Variants in UBAP1 observed in about 807,000 individuals in gnomAD.
The protein encoded by UBAP1 is ubiquitin associated protein 1.
UBAP1 carries 5 observed loss-of-function variants against 39.0 expected under a neutral mutation model. The ratio of observed to expected loss-of-function variants is 0.13; its 90% CI spans 0.07 to 0.27. The LOEUF (loss-of-function observed/expected upper bound fraction) is 0.27, where lower values mean the gene tolerates loss of function less well. Ranked by LOEUF, UBAP1 falls within the 10% of genes least tolerant of loss-of-function variation. The pLI is 1.00. For synonymous variants in UBAP1, 211 were observed against 225.1 expected, an observed-to-expected ratio of 0.94 and a Z score of 0.56; for missense variants, 490 against 608.1, an observed-to-expected ratio of 0.81 and a Z score of 2.04.
At chr9:34,185,678 T>C (rs975762215) in intron 1 of UBAP1, among the ~76,000 whole-genome samples, 9 of 152,120 alleles carry the variant, frequency 5.9e-5, no homozygotes, top group African/African-American at 2.2e-4. Flanking sequence ...AAACCCCGTC[T>C]CTACTAAAAA....
Position 34,251,460 on chromosome 9 carries a change from A to G in UBAP1, c.1437A>G (p.Glu479=), listed in dbSNP as rs371642951. 9.4e-5 allele frequency: 151 copies of G among 1,614,066 alleles called. 1 individual carries two copies. Among genetic ancestry groups the G allele is most frequent in the Middle Eastern group, 3.3e-4 (2 of 6,084 alleles). ...GCTTTGAGCTGAAAGACATTAAGGA[A>G]GTTTTGCTATTACACAACAATGACC... ...EMGFELKDIK[E]VLLLHNNDQD... The change falls in exon 7 of 7, where the codon GAA becomes GAG. Residue 479 remains glutamate, a synonymous_variant. Coordinates refer to ENST00000297661, the MANE Select transcript of UBAP1 (RefSeq NM_016525.5).
chr9:34,199,096 C>T (rs781393946), intron 1 of UBAP1, among the ~76,000 whole-genome samples: 3 of 152,162 alleles, frequency 2.0e-5, no homozygotes, highest in African/African-American at 2.4e-5. Context: ...TTTTTTGAGA[C>T]GGAGCCTCGC....
intron 2 of UBAP1, among the ~76,000 whole-genome samples, chr9:34,223,196 C>T (rs548349406): frequency 1.6e-4 from 25 of 152,052 alleles, no homozygotes; most frequent in African/African-American, 5.5e-4. Context: ...TTTGGGAGGC[C>T]GAGGCGGGCG....
chr9:34,215,690 T>C (rs975731450), intron 1 of UBAP1, among the ~76,000 whole-genome samples: 18 of 150,868 alleles, frequency 1.2e-4, no homozygotes, highest in Non-Finnish European at 4.4e-5. Flanking sequence ...AAATAAATAA[T>C]AAAAAAAGGG....
At chr9:34,196,850 TTTC>T (rs1831088909) in intron 1 of UBAP1, among the ~76,000 whole-genome samples, 1 of 152,092 alleles carries the variant, frequency 6.6e-6, no homozygotes, top group Admixed American at 6.6e-5. Context: ...TTATTATTTG[TTTC>T]TTTGTTTTCA....
intron 2 of UBAP1, among the ~76,000 whole-genome samples, chr9:34,221,910 C>T (rs1832781456): frequency 6.6e-6 from 1 of 151,918 alleles, no homozygotes; most frequent in Non-Finnish European, 1.5e-5. Context: ...AATTTAAAAC[C>T]AGAAGTAGCC....
At chr9:34,225,552 C>T (rs904135059) in intron 2 of UBAP1, among the ~76,000 whole-genome samples, 16 of 151,478 alleles carry the variant, frequency 1.1e-4, no homozygotes, top group Non-Finnish European at 2.2e-4. Context: ...TTGAGGCAGG[C>T]GGATCATGAG....
intron 1 of UBAP1, among the ~76,000 whole-genome samples, chr9:34,186,508 T>A (rs1274737938): frequency 6.6e-6 from 1 of 152,196 alleles, no homozygotes; most frequent in Non-Finnish European, 1.5e-5. Context: ...TTTTGGCTGC[T>A]TCACTTCCTC....
chr9:34,201,312 G>C (rs527961143), intron 1 of UBAP1: 1 of 152,162 alleles, frequency 6.6e-6, no homozygotes, highest in South Asian at 2.1e-4. Context: ...GGGAGGGTGA[G>C]GTGGCCAGAT....
In UBAP1 at chr9:34,213,928, C is replaced by CA. The variant is rs551770576; in HGVS notation, c.-7-6968dup. Reference sequence around the variant, plus strand: ...AACTCAACCCCTTTTACAACAGCTGCAAAAAAAAAAAATACTTAGGAATAT... The same window carrying CA: ...AACTCAACCCCTTTTACAACAGCTGCAAAAAAAAAAAAATACTTAGGAATAT... On this transcript the variant is annotated intron_variant, in intron 1 of 6. Transcript: ENST00000297661. Among the ~76,000 whole-genome samples the CA allele has an allele frequency of 5.9e-3, 841 of 142,112 alleles. 3 individuals carry two copies. Among genetic ancestry groups the CA allele is most frequent in the African/African-American group, 9.2e-3 (353 of 38,380 alleles). 93.2% of individuals were successfully genotyped at this position (142,112 alleles called of 152,430 possible).
intron 1 of UBAP1, among the ~76,000 whole-genome samples, chr9:34,217,275 T>G (rs1832377585): frequency 2.0e-5 from 3 of 152,090 alleles, no homozygotes; most frequent in Non-Finnish European, 4.4e-5. Context: ...GAATCTCTGT[T>G]GCCCAAGCTG....
chr9:34,248,964 G>A (rs760971395), intron 4 of UBAP1, among the ~76,000 whole-genome samples: 1 of 152,144 alleles, frequency 6.6e-6, no homozygotes, highest in Non-Finnish European at 1.5e-5. Context: ...TCCTGCCTTG[G>A]GCTTGATTTG....
chr9:34,236,375 A>G (rs760034159), intron 3 of UBAP1, among the ~76,000 whole-genome samples: 2 of 152,054 alleles, frequency 1.3e-5, no homozygotes, highest in Non-Finnish European at 2.9e-5. Flanking sequence ...GTGTAAATAC[A>G]CTCTGCCCTC....
chr9:34,202,570 A>C (rs1831435381), intron 1 of UBAP1, among the ~76,000 whole-genome samples: 2 of 150,776 alleles, frequency 1.3e-5, no homozygotes, highest in South Asian at 2.1e-4. Context: ...GCATTATAAC[A>C]GAAGACTCCA....
At chr9:34,203,531 T>C (rs563391135) in intron 1 of UBAP1, among the ~76,000 whole-genome samples, 56 of 152,234 alleles carry the variant, frequency 3.7e-4, no homozygotes, top group African/African-American at 1.3e-3. Context: ...TCGTAGTGCA[T>C]AAAGGCAAGT....
rs368188801 is a variant in UBAP1, at chr9:34,223,698, G to A, written c.34+2750G>A. ...TCTCGATCTCCTGACCTCGTGATCC[G>A]CCTGCCTTGGCCTCCCAAAGTGTTG... is the stretch of plus-strand genomic sequence containing the variant. On this transcript the variant is annotated intron_variant, in intron 2 of 6. Transcript: ENST00000297661. 9.9e-5 allele frequency among the ~76,000 whole-genome samples: 15 copies of A among 152,186 alleles called. No homozygotes were observed. The East Asian group carries it at 2.1e-3, about 22-fold the overall frequency.
At chr9:34,232,978 C>T (rs1467942771) in intron 2 of UBAP1, among the ~76,000 whole-genome samples, 2 of 152,106 alleles carry the variant, frequency 1.3e-5, no homozygotes, top group Non-Finnish European at 2.9e-5. Flanking sequence ...AGGCGTTTTC[C>T]TTTTATCTGA....
intron 4 of UBAP1, among the ~76,000 whole-genome samples, chr9:34,247,552 G>A (rs923127920): frequency 1.3e-5 from 2 of 152,088 alleles, no homozygotes; most frequent in Admixed American, 1.3e-4. Flanking sequence ...AGCCTCCCAA[G>A]TAGTTGGGAT....
intron 1 of UBAP1, among the ~76,000 whole-genome samples, chr9:34,180,962 C>G (rs1170423397): frequency 6.6e-6 from 1 of 151,724 alleles, no homozygotes; most frequent in East Asian, 1.9e-4. Flanking sequence ...AGACACCCAC[C>G]ACTACGGCTG....
Sources: allele counts gnomAD v4.1 joint callset (sites outside exome capture counted in the v4.1 genomes callset), GRCh38; gene constraint gnomAD v4.1.1; transcripts MANE v1.5; gene names NCBI Gene and HGNC (gene_info 2026-07-23, HGNC 2026-07-21).